The following SLC2A10 variants were observed in gnomAD, a reference collection of about 807,000 sequenced individuals.
SLC2A10 encodes the protein solute carrier family 2, facilitated glucose transporter member 10.
In SLC2A10, 25 loss-of-function variants were observed where a neutral mutation model predicts 32.1. That is an observed-to-expected ratio of 0.78 (90% CI 0.57 to 1.09). The LOEUF (loss-of-function observed/expected upper bound fraction) is 1.09, where lower values mean the gene tolerates loss of function less well. SLC2A10 is among the 50% of genes least tolerant of loss of function. The probability of loss-of-function intolerance (pLI) is 0.00; values close to 1 mark genes in which losing one functional copy is unlikely to be tolerated. For missense variants in SLC2A10, 673 were observed against 686.5 expected (o/e 0.98, Z 0.22); for synonymous variants, 332 against 309.6 (o/e 1.07, Z -0.76).
chr20:46,709,361 G>A (rs1978762532), upstream of SLC2A10: 3 of 332,158 alleles, frequency 9.0e-6, no homozygotes, highest in Admixed American at 1.1e-4. Context: ...GCCAGGGGAA[G>A]ACAGTGCGTG....
At position 46,726,010 on chromosome 20, in the gene SLC2A10, C is replaced by T. The variant is rs984687830; in HGVS notation, c.974C>T (p.Ser325Leu). ...GTCAGCTTTGCCGTGCCCATGGACT[C>T]AGGCCCAAGCTGTCTGGCTGTGCCC... Reference protein sequence around the residue: ...GLVSFAVPMDSGPSCLAVPNA... With the variant: ...GLVSFAVPMDLGPSCLAVPNA... Residue 325 changes from serine (S) to leucine (L), a missense_variant, in exon 2 of 5, where the codon TCA becomes TTA. By Grantham distance (145) the Ser-to-Leu change is moderately radical. Transcript: ENST00000359271. 6.8e-6 allele frequency: 11 copies of T among 1,614,064 alleles called. No homozygotes were observed. Among genetic ancestry groups the T allele is most frequent in the Non-Finnish European group, 9.3e-6 (11 of 1,180,048 alleles).
chr20:46,725,142 C>T lies in SLC2A10; in HGVS notation c.106C>T (p.Leu36=). ...AGTCATATCAGGTGCCCTGCTGCCACTGCAGCTTGACTTTGGGCTAAGCTG... is the reference window on the plus strand; with the variant it reads ...AGTCATATCAGGTGCCCTGCTGCCATTGCAGCTTGACTTTGGGCTAAGCTG... ...LAVISGALLP[L]QLDFGLSCLE... The change falls in exon 2 of 5, where the codon CTG becomes TTG. Residue 36 remains leucine, a synonymous_variant. Coordinates refer to ENST00000359271, the MANE Select transcript of SLC2A10 (RefSeq NM_030777.4). 6.2e-7 allele frequency: 1 copy of T among 1,614,252 alleles called. No individual in the cohort carries two copies. Among genetic ancestry groups the T allele is most frequent in the Non-Finnish European group, 8.5e-7 (1 of 1,180,050 alleles).
intron 1 of SLC2A10, among the ~76,000 whole-genome samples, chr20:46,713,931 T>C (rs907296459): frequency 2.7e-5 from 4 of 150,820 alleles, no homozygotes; most frequent in Non-Finnish European, 5.9e-5. Context: ...CAGTGGAGAG[T>C]TGAGGAAGAT....
At chr20:46,722,319 G>A (rs1201125718) in intron 1 of SLC2A10, among the ~76,000 whole-genome samples, 2 of 152,176 alleles carry the variant, frequency 1.3e-5, no homozygotes, top group Non-Finnish European at 2.9e-5. Context: ...ATCCAGTCTT[G>A]CAGAAAGAAA....
intron 3 of SLC2A10, 134 bp from the exon 4 acceptor site, chr20:46,729,219 G>T: frequency 9.1e-7 from 1 of 1,104,124 alleles, no homozygotes; most frequent in Non-Finnish European, 1.4e-6. Flanking sequence ...TGGTCACTCT[G>T]CAAATTGACC....
At chr20:46,719,490 G>A (rs1440140280) in intron 1 of SLC2A10, among the ~76,000 whole-genome samples, 1 of 152,174 alleles carries the variant, frequency 6.6e-6, no homozygotes, top group African/African-American at 2.4e-5. Context: ...CACTTTACAT[G>A]GCGGCAGGCA....
intron 1 of SLC2A10, among the ~76,000 whole-genome samples, chr20:46,722,392 A>G (rs902805196): frequency 1.3e-5 from 2 of 152,224 alleles, no homozygotes; most frequent in African/African-American, 4.8e-5. Flanking sequence ...GGATTCCCAT[A>G]CCTGACCTCC....
At chr20:46,709,923 G>C (rs1222300227) in intron 1 of SLC2A10, 183 bp downstream of exon 1, 1 of 627,852 alleles carries the variant, frequency 1.6e-6, no homozygotes, top group Non-Finnish European at 2.7e-6. Flanking sequence ...GACGGGGCTC[G>C]GTCGCGCTTC....
Position 46,720,817 on chromosome 20 carries a change from G to C in SLC2A10, c.5-4224G>C, listed in dbSNP as rs1007405093. ...TGTCAGGAGCCCTTTGGAAGAGACT[G>C]ATCTAGTAACATTTCCTCATTTTAT... On this transcript the variant is annotated intron_variant, in intron 1 of 4. Transcript: ENST00000359271. Among the ~76,000 whole-genome samples the C allele has an allele frequency of 2.6e-5, 4 of 152,256 alleles. No homozygotes were observed. The South Asian group carries it at 8.3e-4, about 32-fold the overall frequency.
chr20:46,712,518 C>T (rs1176060313), intron 1 of SLC2A10, among the ~76,000 whole-genome samples: 3 of 152,194 alleles, frequency 2.0e-5, no homozygotes, highest in African/African-American at 7.2e-5. Flanking sequence ...ATCTTCACTA[C>T]AGCCTATGTT....
chr20:46,717,813 A>G (rs1979336751), intron 1 of SLC2A10, among the ~76,000 whole-genome samples: 1 of 152,258 alleles, frequency 6.6e-6, no homozygotes. Context: ...TTGAAAATGC[A>G]GACACTGAGG....
chr20:46,725,419 G>T lies in SLC2A10; in HGVS notation c.383G>T (p.Gly128Val). Residue 128 changes from glycine (G) to valine (V), a missense_variant, in exon 2 of 5, where the codon GGG (glycine) becomes GTG (valine). Transcript: ENST00000359271. The part of the protein sequence containing the change: ...ACCIYVSELV[G>V]PRQRGVLVSL... Reference sequence around the variant, plus strand: ...TGTATCTACGTGTCAGAGCTGGTGGGGCCACGGCAGCGGGGAGTGCTGGTG... The same window carrying T: ...TGTATCTACGTGTCAGAGCTGGTGGTGCCACGGCAGCGGGGAGTGCTGGTG... 6.2e-7 allele frequency: 1 copy of T among 1,614,122 alleles called. No individual in the cohort carries two copies. Among genetic ancestry groups the T allele is most frequent in the Non-Finnish European group, 8.5e-7 (1 of 1,180,026 alleles).
intron 1 of SLC2A10, among the ~76,000 whole-genome samples, chr20:46,715,229 T>C (rs1979160728): frequency 7.4e-6 from 1 of 135,454 alleles, no homozygotes; most frequent in Non-Finnish European, 1.5e-5. Context: ...ACTGTTTTAT[T>C]TCACGTTTGT....
At chr20:46,711,032 C>G (rs778967515) in intron 1 of SLC2A10, among the ~76,000 whole-genome samples, 10 of 152,074 alleles carry the variant, frequency 6.6e-5, no homozygotes, top group Non-Finnish European at 1.2e-4. Flanking sequence ...ACCACCACGC[C>G]CAGCTAATTT....
chr20:46,713,610 C>A (rs1299393845), intron 1 of SLC2A10, among the ~76,000 whole-genome samples: 1 of 152,126 alleles, frequency 6.6e-6, no homozygotes, highest in Non-Finnish European at 1.5e-5. Flanking sequence ...GAAATAGGAG[C>A]CTTGGAGGGC....
rs143005307 is a variant in SLC2A10 at position 46,715,592 on chromosome 20, C to T, written c.4+5852C>T. Among the ~76,000 whole-genome samples, 1,057 of 152,228 alleles carry T rather than the reference C, an allele frequency of 6.9e-3. 10 individuals are homozygous for T. Among genetic ancestry groups the T allele is most frequent in the African/African-American group, 0.024 (1,010 of 41,530 alleles). ...CCAGGGAGTGGCAAGGGCTCGTTTC[C>T]TTGGAAGGTAGGAGTGGCAGGGGAG... On this transcript the variant is annotated intron_variant, in intron 1 of 4. Coordinates refer to ENST00000359271, the MANE Select transcript of SLC2A10 (RefSeq NM_030777.4).
At position 46,712,753 on chromosome 20, in the gene SLC2A10, A is replaced by AAGCC. The variant is rs1211779310; in HGVS notation, c.4+3015_4+3018dup. Among the ~76,000 whole-genome samples, 7 of 145,648 alleles carry AAGCC rather than the reference A, an allele frequency of 4.8e-5. No homozygotes were observed. The South Asian group carries it at 1.5e-3, about 31-fold the overall frequency. On this transcript the variant is annotated intron_variant, in intron 1 of 4. Transcript: ENST00000359271. ...ACTGCAACCTCTGCCTCCCAGGCTC[A>AAGCC]AGCCATCCTCCCACCTCAGCCTCCC...
chr20:46,711,515 G>A (rs1978910319), intron 1 of SLC2A10, among the ~76,000 whole-genome samples: 1 of 151,864 alleles, frequency 6.6e-6, no homozygotes, highest in Admixed American at 6.6e-5. Context: ...GCCCAGAGAG[G>A]TCAAGGTCTT....
rs191086667 is a variant in SLC2A10 at position 46,730,372 on chromosome 20, T to A, written c.1547+884T>A. On this transcript the variant is annotated intron_variant, in intron 4 of 4. Transcript: ENST00000359271. ...TTGGTGATGAGTAATTAGGAGAAAA[T>A]GAAGCAGAGCAAAATATGTTGAGAG... 2.6e-4 allele frequency among the ~76,000 whole-genome samples: 40 copies of A among 151,908 alleles called. No individual in the cohort carries two copies. The East Asian group carries it at 7.2e-3, about 27-fold the overall frequency.
Sources: gnomAD v4.1 joint callset for allele counts (sites outside exome capture counted in the v4.1 genomes callset) on GRCh38, gnomAD v4.1.1 for gene constraint, MANE v1.5 for transcripts, NCBI Gene and HGNC (gene_info 2026-07-23, HGNC 2026-07-21) for gene names.